Variants in SCN11A observed in about 807,000 individuals in gnomAD.
The protein encoded by SCN11A is sodium voltage-gated channel alpha subunit 11.
SCN11A carries 122 observed loss-of-function variants against 162.2 expected under a neutral mutation model. That is an observed-to-expected ratio of 0.75 (90% CI 0.65 to 0.87). The LOEUF (loss-of-function observed/expected upper bound fraction) is 0.87. Among genes scored for constraint, SCN11A ranks in the 40% least tolerant of loss-of-function variants. The probability of loss-of-function intolerance (pLI) is 0.00; values close to 1 mark genes in which losing one functional copy is unlikely to be tolerated. For missense variants in SCN11A, 2,015 were observed against 2,181.6 expected (o/e 0.92, Z 1.52); for synonymous variants, 758 against 751.5 (o/e 1.01, Z -0.14).
At chr3:38,933,049 C>T (rs1227956019) in intron 7 of SCN11A, among the ~76,000 whole-genome samples, 4 of 152,228 alleles carry the variant, frequency 2.6e-5, no homozygotes, top group Non-Finnish European at 5.9e-5. Context: ...GATCAGACAG[C>T]AGCATTCGCG....
At chr3:38,950,609 C>G in intron 4 of SCN11A, 1 of 506,634 alleles carries the variant, frequency 2.0e-6, no homozygotes, top group Non-Finnish European at 3.6e-6. Flanking sequence ...CCTGGAGGAC[C>G]TGGCAAAAGG....
At chr3:38,904,240 A>G (rs1397457641) in intron 15 of SCN11A, 137 bp from the exon 16 acceptor site, 5 of 550,020 alleles carry the variant, frequency 9.1e-6, no homozygotes, top group Non-Finnish European at 1.6e-5. Flanking sequence ...TGATTTGTGT[A>G]GTCAGAAAGG....
chr3:38,917,531 G>C (rs893754513), intron 11 of SCN11A, among the ~76,000 whole-genome samples: 67 of 152,302 alleles, frequency 4.4e-4, no homozygotes, highest in African/African-American at 1.6e-3. Context: ...GATGGAGCTG[G>C]AGGCTATTAA....
chr3:39,038,404 C>G (rs1158310551), intron 1 of SCN11A, among the ~76,000 whole-genome samples: 1 of 152,124 alleles, frequency 6.6e-6, no homozygotes, highest in Non-Finnish European at 1.5e-5. Context: ...TGAGGAATTC[C>G]ACACACATAG....
rs537540575 is a variant in SCN11A, at chr3:38,955,653, G to T, written c.-138-1894C>A. 9.2e-5 allele frequency among the ~76,000 whole-genome samples: 14 copies of T among 152,270 alleles called. No individual in the cohort carries two copies. The East Asian group carries it at 2.1e-3, about 23-fold the overall frequency. ...TTCTGTGCAGAAAATAGATTGCATT[G>T]CTAGAAAATTGATCAAAGAATTAAA... is the stretch of plus-strand genomic sequence containing the variant. On this transcript the variant is annotated intron_variant, in intron 3 of 29. Transcript: ENST00000302328.
chr3:38,870,332 T>C (rs1406959293), intron 26 of SCN11A, among the ~76,000 whole-genome samples: 1 of 152,206 alleles, frequency 6.6e-6, no homozygotes, highest in African/African-American at 2.4e-5. Flanking sequence ...CTAAAACAGA[T>C]ACTCTTTGAA....
Position 38,894,515 on chromosome 3 carries a change from A to C in SCN11A, c.2835+18T>G, listed in dbSNP as rs2065553817. ...CCAGCTTTGTATGACCTTTAAGTCT[A>C]TGTGTGAACCTTCATACCTGTTGTT... is the stretch of plus-strand genomic sequence containing the variant. On this transcript the variant is annotated intron_variant, in intron 19 of 29. Coordinates refer to ENST00000302328, the MANE Select transcript of SCN11A (RefSeq NM_001349253.2). 6.4e-7 allele frequency: 1 copy of C among 1,572,142 alleles called. No individual in the cohort carries two copies. The highest frequency in any genetic ancestry group is 8.6e-7 in the Non-Finnish European group (1 of 1,158,102).
rs1396304298 is a variant in SCN11A at position 39,043,339 on chromosome 3, A to G, written c.-404+8522T>C. ...GTATACACCCAAAAGAAATGAAATC[A>G]GTATATCAAAGAGACATTTGCACTC... On this transcript the variant is annotated intron_variant, in intron 1 of 29. Coordinates refer to ENST00000302328, the MANE Select transcript of SCN11A (RefSeq NM_001349253.2). Among the ~76,000 whole-genome samples, 38 of 152,234 alleles carry G rather than the reference A, an allele frequency of 2.5e-4. 1 individual carries two copies. Among genetic ancestry groups the G allele is most frequent in the Admixed American group, 2.5e-3 (38 of 15,284 alleles).
At chr3:38,868,417 G>A (rs981327560) in intron 26 of SCN11A, among the ~76,000 whole-genome samples, 2 of 152,232 alleles carry the variant, frequency 1.3e-5, no homozygotes, top group African/African-American at 2.4e-5. Flanking sequence ...GTAATGGAAA[G>A]AATATTTAGC....
intron 17 of SCN11A, among the ~76,000 whole-genome samples, chr3:38,898,421 G>A (rs564983891): frequency 6.6e-6 from 1 of 152,270 alleles, no homozygotes; most frequent in East Asian, 1.9e-4. Flanking sequence ...AGACCACACA[G>A]CCTGTAAGGC....
Position 38,847,333 on chromosome 3 carries a change from T to C in SCN11A, c.4737A>G (p.Ile1579Met). ...SSSENCHLPGIATSYFVSYII... is the reference protein window; with the variant it reads ...SSSENCHLPGMATSYFVSYII... ...TGTAACTGACAAAGTAGGATGTGGC[T>C]ATGCCAGGGAGGTGGCAGTTTTCTG... Residue 1579 changes from isoleucine (I) to methionine (M), a missense_variant, in exon 30 of 30, where the codon ATA becomes ATG. Transcript: ENST00000302328. The C allele has an allele frequency of 6.2e-7, 1 of 1,614,224 alleles. No individual in the cohort carries two copies. Among genetic ancestry groups the C allele is most frequent in the Non-Finnish European group, 8.5e-7 (1 of 1,180,024 alleles).
At chr3:38,908,178 G>A in intron 13 of SCN11A, 56 bp from the exon 14 acceptor site, 1 of 1,498,078 alleles carries the variant, frequency 6.7e-7, no homozygotes, top group Non-Finnish European at 9.1e-7. Context: ...ATGAAACATT[G>A]CAAATGACCC....
intron 28 of SCN11A, among the ~76,000 whole-genome samples, chr3:38,857,675 T>C (rs948647928): frequency 1.3e-5 from 2 of 152,050 alleles, no homozygotes; most frequent in Admixed American, 6.6e-5. Context: ...AAAAAGATTA[T>C]CACCTAGGCA....
At chr3:39,017,612 GTC>G (rs1009914359) in intron 2 of SCN11A, among the ~76,000 whole-genome samples, 2 of 151,524 alleles carry the variant, frequency 1.3e-5, no homozygotes, top group African/African-American at 4.8e-5. Context: ...TATTTTTTCT[GTC>G]TCTCTCTCTC....
At chr3:38,938,033 T>C (rs1575315628) in intron 7 of SCN11A, among the ~76,000 whole-genome samples, 1 of 152,280 alleles carries the variant, frequency 6.6e-6, no homozygotes, top group East Asian at 1.9e-4. Flanking sequence ...ATATACACCA[T>C]GGAATACGAT....
intron 2 of SCN11A, among the ~76,000 whole-genome samples, chr3:39,003,920 A>G (rs1285090549): frequency 6.6e-6 from 1 of 151,984 alleles, no homozygotes; most frequent in Non-Finnish European, 1.5e-5. Flanking sequence ...GATGCTGGAT[A>G]TTAGACCTTT....
chr3:39,017,894 T>A (rs2125605575), intron 2 of SCN11A, among the ~76,000 whole-genome samples: 1 of 152,360 alleles, frequency 6.6e-6, no homozygotes, highest in East Asian at 1.9e-4. Context: ...GCAATTTTTG[T>A]TGGGTGGCAG....
chr3:38,963,847 A>G (rs2066763517), intron 2 of SCN11A, among the ~76,000 whole-genome samples: 1 of 152,190 alleles, frequency 6.6e-6, no homozygotes, highest in African/African-American at 2.4e-5. Flanking sequence ...GTAACCAAAT[A>G]CCACCTGTAC....
chr3:38,993,676 C>G (rs2030523798), intron 2 of SCN11A, among the ~76,000 whole-genome samples: 1 of 152,184 alleles, frequency 6.6e-6, no homozygotes, highest in Non-Finnish European at 1.5e-5. Flanking sequence ...CCCAAGCAGT[C>G]TTTTTTCATC....
Sources: allele counts gnomAD v4.1 joint callset (sites outside exome capture counted in the v4.1 genomes callset), GRCh38; gene constraint gnomAD v4.1.1; transcripts MANE v1.5; gene names NCBI Gene and HGNC (gene_info 2026-07-23, HGNC 2026-07-21).